Variants in ELFN2 observed in about 807,000 individuals in gnomAD.
ELFN2 encodes extracellular leucine rich repeat and fibronectin type III domain containing 2.
Under a neutral mutation model 45.5 loss-of-function variants are expected in ELFN2, and 17 were observed. The ratio of observed to expected loss-of-function variants is 0.37; its 90% CI spans 0.26 to 0.56. The LOEUF is 0.56. Ranked by LOEUF, ELFN2 falls within the 20% of genes least tolerant of loss-of-function variation. The pLI, the probability that ELFN2 is intolerant of heterozygous loss-of-function variation, is 0.77. For synonymous variants in ELFN2, 550 were observed against 551.5 expected, an observed-to-expected ratio of 1.00 and a Z score of 0.04; for missense variants, 922 against 1,183.2, an observed-to-expected ratio of 0.78 and a Z score of 3.24.
At chr22:37,399,693 C>G (rs1483563220) in intron 2 of ELFN2, among the ~76,000 whole-genome samples, 1 of 152,134 alleles carries the variant, frequency 6.6e-6, no homozygotes, top group Non-Finnish European at 1.5e-5. Flanking sequence ...TCTCCCACCC[C>G]CACTGAGCCC....
intron 2 of ELFN2, among the ~76,000 whole-genome samples, chr22:37,395,909 A>G (rs1932203221): frequency 6.6e-6 from 1 of 152,170 alleles, no homozygotes; most frequent in Non-Finnish European, 1.5e-5. Context: ...CACAAGCACC[A>G]CAGACCCAAC....
chr22:37,379,111 A>G (rs1931672869), intron 2 of ELFN2, among the ~76,000 whole-genome samples: 1 of 152,186 alleles, frequency 6.6e-6, no homozygotes, highest in Non-Finnish European at 1.5e-5. Flanking sequence ...AAGCAAAAAT[A>G]TCAAGACAGC....
rs1446013706 is a variant in ELFN2 at position 37,370,030 on chromosome 22, T to TGGGTG, written c.*3041_*3042insCACCC. On this transcript the variant is annotated 3_prime_UTR_variant, in exon 3 of 3. Coordinates refer to ENST00000402918, the MANE Select transcript of ELFN2 (RefSeq NM_052906.5). ...ACACAGATGCAGGCCAGCCTCCGGG[T>TGGGTG]GGGCTCTCCCCAAGCTGAGCAGTTG... 2.0e-5 allele frequency: 3 copies of TGGGTG among 152,118 alleles called. No individual in the cohort carries two copies. Among genetic ancestry groups the TGGGTG allele is most frequent in the Admixed American group, 1.3e-4 (2 of 15,280 alleles). The allele number at this position is 152,118 out of a possible 1,614,324, so 9.4% of individuals were successfully genotyped here. A position where few individuals can be genotyped will look rare whatever the true frequency, so the allele number is the denominator to read the frequency against.
Position 37,373,882 on chromosome 22 carries a change from G to A in ELFN2, c.1653C>T (p.Cys551=). Residue 551 remains cysteine, a synonymous_variant, in exon 3 of 3, where the codon TGC becomes TGT. Transcript: ENST00000402918. ...CCGAGTCCAGCTTGAGAGCATCGAT[G>A]CAGTTGTTAATGATCTGGTTGACCT... ...VDKVNQIINN[C]IDALKLDSAS... 6.2e-7 allele frequency: 1 copy of A among 1,613,482 alleles called. No individual in the cohort carries two copies. The highest frequency in any genetic ancestry group is 8.5e-7 in the Non-Finnish European group (1 of 1,179,974).
Position 37,358,993 on chromosome 22 carries a change from T to A in ELFN2, n.149-16290A>T, listed in dbSNP as rs1224544838. 2.0e-5 allele frequency among the ~76,000 whole-genome samples: 3 copies of A among 152,064 alleles called. No individual in the cohort carries two copies. The East Asian group carries it at 5.8e-4, about 29-fold the overall frequency. On this transcript the variant is annotated intron_variant and non_coding_transcript_variant, in intron 1 of 2. Coordinates refer to ENST00000452946, the Ensembl canonical transcript of ELFN2. ...GAGGACTGGGGGCCGCTGGGCTATC[T>A]GAGATGGACGTGGGGCTGGAAGTCA...
Position 37,371,850 on chromosome 22 carries a change from T to C in ELFN2, c.*1222A>G, listed in dbSNP as rs1931377375. ...GGAAGTGGCCATTGCCACGGAAACATGGGAGCCCCTCTGGCCAGGGGGCCA... is the reference window on the plus strand; with the variant it reads ...GGAAGTGGCCATTGCCACGGAAACACGGGAGCCCCTCTGGCCAGGGGGCCA... On this transcript the variant is annotated 3_prime_UTR_variant, in exon 3 of 3. Transcript: ENST00000402918. This position sits in a 1 kb window ranked among gnomAD's most constrained non-coding sequence, Gnocchi z 6.4. 1.3e-5 allele frequency: 2 copies of C among 152,460 alleles called. No individual in the cohort carries two copies. Among genetic ancestry groups the C allele is most frequent in the South Asian group, 2.1e-4 (1 of 4,820 alleles). The allele number at this position is 152,460 out of a possible 1,614,324, so 9.4% of individuals were successfully genotyped here. A position where few individuals can be genotyped will look rare whatever the true frequency, so the allele number is the denominator to read the frequency against.
chr22:37,384,501 C>T, intron 2 of ELFN2, among the ~76,000 whole-genome samples: 1 of 150,646 alleles, frequency 6.6e-6, no homozygotes, highest in Non-Finnish European at 1.5e-5. Context: ...ACACCTGATC[C>T]CACCTTCCCA....
At chr22:37,362,083 C>A (rs1201943110) in intron 1 of ELFN2, among the ~76,000 whole-genome samples, 1 of 152,226 alleles carries the variant, frequency 6.6e-6, no homozygotes. Flanking sequence ...ATGTCCGGGG[C>A]CAACTGGACA....
chr22:37,413,061 ACTCCCTATGCTG>A (rs1372621716), intron 2 of ELFN2, among the ~76,000 whole-genome samples: 3 of 151,976 alleles, frequency 2.0e-5, no homozygotes, highest in Non-Finnish European at 4.4e-5. Flanking sequence ...CGGGTGTGAC[ACTCCCTATGCTG>A]CAGGGGCTGC....
At chr22:37,345,413 C>T (rs1447872722) in intron 1 of ELFN2, among the ~76,000 whole-genome samples, 1 of 152,180 alleles carries the variant, frequency 6.6e-6, no homozygotes, top group Non-Finnish European at 1.5e-5. Context: ...GTTCCTTATG[C>T]ATAACATGCA....
intron 2 of ELFN2, among the ~76,000 whole-genome samples, chr22:37,382,815 G>A (rs1931827148): frequency 6.6e-6 from 1 of 152,144 alleles, no homozygotes; most frequent in African/African-American, 2.4e-5. Flanking sequence ...GACTACCAAA[G>A]TGCTGGGATT....
chr22:37,412,306 A>C (rs1932668890), intron 2 of ELFN2, among the ~76,000 whole-genome samples: 2 of 151,418 alleles, frequency 1.3e-5, no homozygotes, highest in South Asian at 2.1e-4. Context: ...GAAAGAAAGA[A>C]AAGGAAAAAA....
intron 1 of ELFN2, among the ~76,000 whole-genome samples, chr22:37,422,585 A>G (rs1404479765): frequency 2.6e-5 from 4 of 151,756 alleles, no homozygotes; most frequent in Non-Finnish European, 4.4e-5. Context: ...TGTGCCTGTA[A>G]TCCCAGCTAC....
intron 2 of ELFN2, among the ~76,000 whole-genome samples, chr22:37,376,648 G>C (rs1173672407): frequency 6.6e-6 from 1 of 152,196 alleles, no homozygotes; most frequent in East Asian, 1.9e-4. Context: ...GCAGCTGTGG[G>C]GCCCCCCAAG....
intron 1 of ELFN2, among the ~76,000 whole-genome samples, chr22:37,358,189 A>G (rs1601736205): frequency 6.6e-6 from 1 of 152,158 alleles, no homozygotes; most frequent in African/African-American, 2.4e-5. Context: ...TCCTATTCAC[A>G]TGGCCCACGG....
chr22:37,407,657 G>A (rs1011230757), intron 2 of ELFN2, among the ~76,000 whole-genome samples: 2 of 152,028 alleles, frequency 1.3e-5, no homozygotes, highest in African/African-American at 4.8e-5. Flanking sequence ...CAATACTTTG[G>A]GAGGCTGAGG....
intron 2 of ELFN2, among the ~76,000 whole-genome samples, chr22:37,388,939 G>A (rs921505112): frequency 6.6e-6 from 1 of 152,218 alleles, no homozygotes; most frequent in African/African-American, 2.4e-5. Context: ...CTTCGTGGGG[G>A]GCGTCCCCAG....
At position 37,351,851 on chromosome 22, in the gene ELFN2, G is replaced by A. The variant is rs140282594; in HGVS notation, n.149-9148C>T. Among the ~76,000 whole-genome samples, 112 of 151,076 alleles carry A rather than the reference G, an allele frequency of 7.4e-4. 2 individuals carry two copies. In the East Asian group the frequency reaches 0.02, roughly 27 times the overall value. On this transcript the variant is annotated intron_variant and non_coding_transcript_variant, in intron 1 of 2. Transcript: ENST00000452946. Reference sequence around the variant, plus strand: ...TTCAAATCTTATTTTATTTTCACTGGGAATGGCTCTGGGCCAGGGCATTAG... The same window carrying A: ...TTCAAATCTTATTTTATTTTCACTGAGAATGGCTCTGGGCCAGGGCATTAG...
intron 2 of ELFN2, among the ~76,000 whole-genome samples, chr22:37,377,460 A>C (rs573628178): frequency 4.6e-4 from 70 of 152,350 alleles, no homozygotes; most frequent in African/African-American, 1.6e-3. Flanking sequence ...TCCTCCTGGG[A>C]AAGTCCAGGA....
Sources: gnomAD v4.1 joint callset for allele counts (sites outside exome capture counted in the v4.1 genomes callset) on GRCh38, gnomAD v4.1.1 for gene constraint, Gnocchi (gnomAD v3.1) non-coding constraint, MANE v1.5 for transcripts, NCBI Gene and HGNC (gene_info 2026-07-23, HGNC 2026-07-21) for gene names.